The following GPHN variants were observed in gnomAD, a reference collection of about 807,000 sequenced individuals.
The protein encoded by GPHN is gephyrin.
Under a neutral mutation model 95.5 loss-of-function variants are expected in GPHN, and 17 were observed. That is an observed-to-expected ratio of 0.18 (90% confidence interval 0.12 to 0.27). GPHN has a LOEUF of 0.27. GPHN is among the 10% of genes least tolerant of loss of function. The pLI is 1.00. For synonymous variants in GPHN, 320 were observed against 322.5 expected, an observed-to-expected ratio of 0.99 and a Z score of 0.08; for missense variants, 660 against 978.1, an observed-to-expected ratio of 0.67 and a Z score of 4.34.
chr14:66,612,569 T>G (rs1169225398), intron 1 of GPHN, among the ~76,000 whole-genome samples: 1 of 152,112 alleles, frequency 6.6e-6, no homozygotes, highest in Admixed American at 6.6e-5. Context: ...CAGTCATTGG[T>G]AATTCTTTAA....
At chr14:67,112,764 A>C (rs111909144) in intron 15 of GPHN, among the ~76,000 whole-genome samples, 1 of 152,244 alleles carries the variant, frequency 6.6e-6, no homozygotes, top group Non-Finnish European at 1.5e-5. Context: ...AAAAATTTCA[A>C]ATATGAAGTA....
chr14:67,579,198 G>T, the GPHN span: 1 of 1,611,236 alleles, frequency 6.2e-7, no homozygotes, highest in Non-Finnish European at 8.5e-7. Context: ...GCGGACCGGG[G>T]AGCGGGAAGC....
In GPHN at chr14:67,080,178, A is replaced by C. The variant is rs560342904; in HGVS notation, c.1145-8805A>C. On this transcript the variant is annotated intron_variant, in intron 11 of 22. Coordinates refer to ENST00000478722, the MANE Select transcript of GPHN (RefSeq NM_020806.5). Reference sequence around the variant, plus strand: ...TTTCTGACAATTACTGATAATGAGCATCTTTTTATATTCTCATTGGCTATT... The same window carrying C: ...TTTCTGACAATTACTGATAATGAGCCTCTTTTTATATTCTCATTGGCTATT... Among the ~76,000 whole-genome samples the C allele has an allele frequency of 2.4e-3, 362 of 152,176 alleles. 4 individuals carry two copies. Among genetic ancestry groups the C allele is most frequent in the African/African-American group, 8.2e-3 (341 of 41,532 alleles).
the GPHN span, among the ~76,000 whole-genome samples, chr14:67,232,160 G>A: frequency 6.6e-6 from 1 of 152,080 alleles, no homozygotes; most frequent in African/African-American, 2.4e-5. Flanking sequence ...TGGCAGTGGT[G>A]GTGTGTGGTT....
the GPHN span, chr14:67,621,023 T>C: frequency 2.6e-6 from 4 of 1,513,448 alleles, no homozygotes; most frequent in East Asian, 2.3e-5. Flanking sequence ...CACTTCAGAG[T>C]CTTTTCTCTG....
chr14:66,730,532 CA>C (rs1269317522), intron 2 of GPHN, among the ~76,000 whole-genome samples: 1 of 151,870 alleles, frequency 6.6e-6, no homozygotes, highest in Non-Finnish European at 1.5e-5. Context: ...TGTGGATAGA[CA>C]AAAAAGTTAA....
intron 13 of GPHN, among the ~76,000 whole-genome samples, chr14:67,104,883 TG>T (rs1169668155): frequency 1.3e-5 from 2 of 152,100 alleles, no homozygotes; most frequent in Non-Finnish European, 2.9e-5. Context: ...CTTCTGATTT[TG>T]GATCTGGTTT....
At chr14:66,593,236 G>A (rs2061832942) in intron 1 of GPHN, among the ~76,000 whole-genome samples, 1 of 151,790 alleles carries the variant, frequency 6.6e-6, no homozygotes, top group East Asian at 1.9e-4. Flanking sequence ...ACCATAGCAT[G>A]TGTATGTATA....
chr14:66,712,117 G>T (rs4304961), intron 2 of GPHN, among the ~76,000 whole-genome samples: 50,457 of 152,072 alleles, frequency 0.33, 12,365 homozygotes, highest in African/African-American at 0.67. Flanking sequence ...GTAATGGGAT[G>T]GCTGGGTGAA....
chr14:66,666,389 G>C (rs1475540000), intron 1 of GPHN, among the ~76,000 whole-genome samples: 1 of 150,964 alleles, frequency 6.6e-6, no homozygotes, highest in Non-Finnish European at 1.5e-5. Context: ...TACTGTATTG[G>C]ATTAAATAAA....
At chr14:67,292,241 A>T in the GPHN span, among the ~76,000 whole-genome samples, 1 of 152,122 alleles carries the variant, frequency 6.6e-6, no homozygotes, top group African/African-American at 2.4e-5. Flanking sequence ...TTATTTTTGC[A>T]TTCCTCCCCT....
At chr14:66,664,346 C>G (rs372632756) in intron 1 of GPHN, among the ~76,000 whole-genome samples, 1 of 152,132 alleles carries the variant, frequency 6.6e-6, no homozygotes, top group Non-Finnish European at 1.5e-5. Flanking sequence ...CAAAACCACA[C>G]GATTGCATGA....
intron 13 of GPHN, among the ~76,000 whole-genome samples, chr14:67,105,191 G>A (rs1255854628): frequency 6.6e-6 from 1 of 151,888 alleles, no homozygotes; most frequent in African/African-American, 2.4e-5. Context: ...CATTGTGGTT[G>A]GAAAAAAATT....
chr14:67,407,590 A>G, the GPHN span, among the ~76,000 whole-genome samples: 3 of 151,822 alleles, frequency 2.0e-5, 1 homozygote, highest in South Asian at 6.2e-4. Flanking sequence ...ACAAGCGAGT[A>G]CCACCATGAC....
intron 2 of GPHN, among the ~76,000 whole-genome samples, chr14:66,770,752 C>T (rs74057837): frequency 0.022 from 3,298 of 151,828 alleles, 126 homozygotes; most frequent in African/African-American, 0.074. Flanking sequence ...CAAGTGCCAT[C>T]CAAAAATATT....
At chr14:67,728,808 A>T in the GPHN span, among the ~76,000 whole-genome samples, 1 of 151,554 alleles carries the variant, frequency 6.6e-6, no homozygotes, top group East Asian at 1.9e-4. Flanking sequence ...AGTCCTACCC[A>T]CCACCTTCCA....
chr14:67,017,495 C>A (rs1156740425), intron 9 of GPHN, among the ~76,000 whole-genome samples: 4 of 152,030 alleles, frequency 2.6e-5, no homozygotes, highest in African/African-American at 9.7e-5. Context: ...CAAAGAAGTT[C>A]ATTCTTTCAG....
At chr14:66,579,770 A>G (rs553433245) in intron 1 of GPHN, among the ~76,000 whole-genome samples, 3 of 151,850 alleles carry the variant, frequency 2.0e-5, no homozygotes, top group Non-Finnish European at 4.4e-5. Flanking sequence ...GGACTTCAAT[A>G]TTTCACATTC....
the GPHN span, among the ~76,000 whole-genome samples, chr14:67,685,875 C>G: frequency 6.6e-6 from 1 of 152,084 alleles, no homozygotes; most frequent in East Asian, 1.9e-4. Flanking sequence ...CTCGGCCTCC[C>G]AAAGTGCTGG....
Sources: gnomAD v4.1 joint callset for allele counts (sites outside exome capture counted in the v4.1 genomes callset) on GRCh38, gnomAD v4.1.1 for gene constraint, MANE v1.5 for transcripts, NCBI Gene and HGNC (gene_info 2026-07-23, HGNC 2026-07-21) for gene names.